The following EPN1 variants were observed in gnomAD, a reference collection of about 807,000 sequenced individuals.
The protein encoded by EPN1 is epsin-1.
In EPN1, 25 loss-of-function variants were observed where a neutral mutation model predicts 56.9. The ratio of observed to expected loss-of-function variants is 0.44; its 90% CI spans 0.32 to 0.61. The LOEUF (loss-of-function observed/expected upper bound fraction) is 0.61. EPN1 is among the 20% of genes least tolerant of loss of function. The pLI, the probability that EPN1 is intolerant of heterozygous loss-of-function variation, is 0.05. For synonymous variants in EPN1, 411 were observed against 361.8 expected, an observed-to-expected ratio of 1.14 and a Z score of -1.54; for missense variants, 785 against 823.7, an observed-to-expected ratio of 0.95 and a Z score of 0.58.
chr19:55,688,370 G>T (rs1986304595), intron 3 of EPN1, among the ~76,000 whole-genome samples: 1 of 152,064 alleles, frequency 6.6e-6, no homozygotes, highest in African/African-American at 2.4e-5. Flanking sequence ...CTCCTCGCTA[G>T]CCCACTCCCT....
chr19:55,692,339 C>T (rs1986614348), intron 7 of EPN1, among the ~76,000 whole-genome samples: 1 of 150,100 alleles, frequency 6.7e-6, no homozygotes, highest in South Asian at 2.1e-4. Flanking sequence ...GTGACGTAGG[C>T]ATCTGGGGAG....
intron 7 of EPN1, 31 bp downstream of exon 7, chr19:55,692,088 C>T: frequency 7.1e-7 from 1 of 1,406,324 alleles, no homozygotes; most frequent in African/African-American, 1.5e-5. Flanking sequence ...CATGCAGCCC[C>T]TACGCCTGTG....
rs1198165505 is a variant in EPN1 at position 55,701,498 on chromosome 19, A to G, written c.*6142A>G. ...GTTTCCTGTATTTTTTTCTCTTAGT[A>G]TCTTAAGAAATACATGATTTGAACA... is the stretch of plus-strand genomic sequence containing the variant. On this transcript the variant is annotated 3_prime_UTR_variant, in exon 11 of 11. Coordinates refer to ENST00000270460, the MANE Select transcript of EPN1 (RefSeq NM_001130072.2). The G allele has an allele frequency of 6.6e-6, 1 of 150,958 alleles. No individual in the cohort carries two copies. The highest frequency in any genetic ancestry group is 1.5e-5 in the Non-Finnish European group (1 of 67,838). The allele number at this position is 150,958 out of a possible 1,614,324, so 9.4% of individuals were successfully genotyped here. A position where few individuals can be genotyped will look rare whatever the true frequency, so the allele number is the denominator to read the frequency against.
chr19:55,676,379 C>G (rs1246377774), intron 1 of EPN1, among the ~76,000 whole-genome samples: 1 of 152,200 alleles, frequency 6.6e-6, no homozygotes, highest in Non-Finnish European at 1.5e-5. Context: ...AATACAGTCT[C>G]ATTCTAAGCA....
rs1987472833 is a variant in EPN1 at position 55,707,339 on chromosome 19, T to C, written c.*11983T>C. ...ACTGAGCCAAAAAGCAGACCCTGAC[T>C]CTAAAACAAAAGAAAGAACAAATAA... is the stretch of plus-strand genomic sequence containing the variant. On this transcript the variant is annotated 3_prime_UTR_variant, in exon 11 of 11. Coordinates refer to ENST00000270460, the MANE Select transcript of EPN1 (RefSeq NM_001130072.2). The C allele has an allele frequency of 6.6e-6, 1 of 152,134 alleles. No individual in the cohort carries two copies. The highest frequency in any genetic ancestry group is 6.6e-5 in the Admixed American group (1 of 15,266). 9.4% of individuals were successfully genotyped at this position (152,134 alleles called of 1,614,324 possible).
chr19:55,704,502 A>C lies in EPN1; in HGVS notation c.*9146A>C, dbSNP rs914995289. ...AGCCAAGGAGAGAGGCCTTGGCGGA[A>C]GCCAACCCTGCAGCACCTTCATCTT... On this transcript the variant is annotated 3_prime_UTR_variant, in exon 11 of 11. Coordinates refer to ENST00000270460, the MANE Select transcript of EPN1 (RefSeq NM_001130072.2). 1 of 152,278 alleles carries C rather than the reference A, an allele frequency of 6.6e-6. No homozygotes were observed. The highest frequency in any genetic ancestry group is 1.5e-5 in the Non-Finnish European group (1 of 68,090). The allele number at this position is 152,278 out of a possible 1,614,324, so 9.4% of individuals were successfully genotyped here.
chr19:55,688,820 G>C, intron 3 of EPN1, 50 bp from the exon 4 acceptor site: 1 of 1,555,340 alleles, frequency 6.4e-7, no homozygotes, highest in South Asian at 1.2e-5. Flanking sequence ...GGGGTTTCCT[G>C]TCTCTCGTTC....
At chr19:55,679,549 C>T (rs761441700) in intron 2 of EPN1, among the ~76,000 whole-genome samples, 5 of 152,200 alleles carry the variant, frequency 3.3e-5, no homozygotes, top group African/African-American at 1.2e-4. Flanking sequence ...TGCAGAAGGC[C>T]CGCTCTGGGT....
Position 55,702,652 on chromosome 19 carries a change from G to A in EPN1, c.*7296G>A. 1 of 152,172 alleles carries A rather than the reference G, an allele frequency of 6.6e-6. No homozygotes were observed. The highest frequency in any genetic ancestry group is 1.9e-4 in the East Asian group (1 of 5,194). The allele number at this position is 152,172 out of a possible 1,614,324, so 9.4% of individuals were successfully genotyped here. On this transcript the variant is annotated 3_prime_UTR_variant, in exon 11 of 11. Transcript: ENST00000270460. ...GCAATTTCTAAGCTGCTTTTTGTTA[G>A]GAAGTTTTTTGCTGGGGACTCTCTT...
In EPN1 at chr19:55,689,056, C is replaced by T; in HGVS notation, c.603+62C>T. ...CCGCCTCCACGCCTCACTTCAGGCT[C>T]CCTCCCAGCCAGGCGTGGGCCTGGC... On this transcript the variant is annotated intron_variant, in intron 4 of 10. Transcript: ENST00000270460. This position sits in a 1 kb window ranked among gnomAD's most constrained non-coding sequence, Gnocchi z 5.7. The T allele has an allele frequency of 6.6e-7, 1 of 1,510,250 alleles. No individual in the cohort carries two copies. The highest frequency in any genetic ancestry group is 8.8e-7 in the Non-Finnish European group (1 of 1,131,802). The allele number at this position is 1,510,250 out of a possible 1,614,324, so 93.6% of individuals were successfully genotyped here.
rs1310479771 is a variant in EPN1, at chr19:55,708,941, C to A, written c.*13585C>A. 2 of 1,569,166 alleles carry A rather than the reference C, an allele frequency of 1.3e-6. No homozygotes were observed. The highest frequency in any genetic ancestry group is 3.9e-5 in the Admixed American group (2 of 50,672). ...AGGAGCACACCCCTGATCTTGTATT[C>A]CTCGTCAATCCAAGGTCCATGTGAA... On this transcript the variant is annotated 3_prime_UTR_variant, in exon 11 of 11. Coordinates refer to ENST00000270460, the MANE Select transcript of EPN1 (RefSeq NM_001130072.2).
chr19:55,691,696 C>T lies in EPN1; in HGVS notation c.763-58C>T. On this transcript the variant is annotated intron_variant, in intron 6 of 10. Transcript: ENST00000270460. The surrounding 1 kb of genome is among the most constrained non-coding windows in gnomAD (Gnocchi z 5.6). ...CCCCCGCCACGGGCCCCAGCTTGGT[C>T]CCTGTCCCAGGCTTCCCACCACTTC... 3 of 1,535,422 alleles carry T rather than the reference C, an allele frequency of 2.0e-6. No individual in the cohort carries two copies. The highest frequency in any genetic ancestry group is 1.8e-6 in the Non-Finnish European group (2 of 1,122,294).
At chr19:55,676,444 C>T (rs530099111) in intron 1 of EPN1, among the ~76,000 whole-genome samples, 2 of 152,280 alleles carry the variant, frequency 1.3e-5, no homozygotes, top group South Asian at 2.1e-4. Context: ...TTCTAATGCA[C>T]GCCAAATAAG....
chr19:55,706,004 G>C lies in EPN1; in HGVS notation c.*10648G>C, dbSNP rs776107436. ...ATGCTGGATGGGAAGCCAGAGGTCT[G>C]CATAGCAGTTACAAAGAAGGCCTTA... On this transcript the variant is annotated 3_prime_UTR_variant, in exon 11 of 11. Coordinates refer to ENST00000270460, the MANE Select transcript of EPN1 (RefSeq NM_001130072.2). 5.8e-6 allele frequency: 1 copy of C among 172,696 alleles called. No homozygotes were observed. Among genetic ancestry groups the C allele is most frequent in the Non-Finnish European group, 1.2e-5 (1 of 81,328 alleles). 10.7% of individuals were successfully genotyped at this position (172,696 alleles called of 1,614,324 possible).
chr19:55,677,624 G>T, intron 1 of EPN1: 1 of 1,551,640 alleles, frequency 6.4e-7, no homozygotes, highest in Non-Finnish European at 8.7e-7. Context: ...GCACACAGCA[G>T]GGACCCAGGC....
Position 55,689,230 on chromosome 19 carries a change from C to CCTGGCT in EPN1, c.604-63_604-58dup. On this transcript the variant is annotated intron_variant, in intron 4 of 10. Coordinates refer to ENST00000270460, the MANE Select transcript of EPN1 (RefSeq NM_001130072.2). This position sits in a 1 kb window ranked among gnomAD's most constrained non-coding sequence, Gnocchi z 5.7. Reference sequence around the variant, plus strand: ...CTCTCTTTCTTCGGCTCTATCTGACCCTGGCTCTGCCTCTGACTCTGCCTC... The same window carrying CCTGGCT: ...CTCTCTTTCTTCGGCTCTATCTGACCCTGGCTCTGGCTCTGCCTCTGACTCTGCCTC... The CCTGGCT allele has an allele frequency of 7.8e-7, 1 of 1,278,620 alleles. No homozygotes were observed. Among genetic ancestry groups the CCTGGCT allele is most frequent in the Non-Finnish European group, 1.1e-6 (1 of 901,264 alleles). 79.2% of individuals were successfully genotyped at this position (1,278,620 alleles called of 1,614,324 possible).
In EPN1 at chr19:55,695,246, G is replaced by A. The variant is rs376571651; in HGVS notation, c.1621G>A (p.Val541Ile). ...NQLRLSPVPP[V>I]PGAPPTYISP... ...GCTCCGTCTCAGTCCTGTGCCTCCC[G>A]TCCCTGGAGCGCCACCCACGTACAT... The change falls in exon 11 of 11, where the codon GTC (valine) becomes ATC (isoleucine). Residue 541 changes from valine to isoleucine, a missense_variant. By Grantham distance (29) the Val-to-Ile change is conservative. Around this residue, in one of 2 missense-constraint regions of EPN1, gnomAD observed 650 missense variants for 605.0 expected, o/e 1.07. Transcript: ENST00000270460. This position sits in a 1 kb window ranked among gnomAD's most constrained non-coding sequence, Gnocchi z 4.4. The A allele has an allele frequency of 2.5e-6, 4 of 1,611,814 alleles. No individual in the cohort carries two copies. Among genetic ancestry groups the A allele is most frequent in the South Asian group, 1.1e-5 (1 of 90,832 alleles).
rs1358823502 is a variant in EPN1, at chr19:55,706,008, A to T, written c.*10652A>T. On this transcript the variant is annotated 3_prime_UTR_variant, in exon 11 of 11. Coordinates refer to ENST00000270460, the MANE Select transcript of EPN1 (RefSeq NM_001130072.2). ...TGGATGGGAAGCCAGAGGTCTGCAT[A>T]GCAGTTACAAAGAAGGCCTTATTAT... 1 of 173,776 alleles carries T rather than the reference A, an allele frequency of 5.8e-6. No homozygotes were observed. Among genetic ancestry groups the T allele is most frequent in the East Asian group, 1.8e-4 (1 of 5,622 alleles). The allele number at this position is 173,776 out of a possible 1,614,324, so 10.8% of individuals were successfully genotyped here.
Position 55,691,167 on chromosome 19 carries a change from G to A in EPN1, c.763-587G>A, listed in dbSNP as rs1429994913. The stretch of plus-strand genomic sequence containing the variant: ...CGTGCGGCATGGGAAGACCTGCAGT[G>A]CGATGACTGCGGGGTGACAGTGGGG... On this transcript the variant is annotated intron_variant, in intron 6 of 10. Coordinates refer to ENST00000270460, the MANE Select transcript of EPN1 (RefSeq NM_001130072.2). This position sits in a 1 kb window ranked among gnomAD's most constrained non-coding sequence, Gnocchi z 5.6. Among the ~76,000 whole-genome samples the A allele has an allele frequency of 6.6e-6, 1 of 152,146 alleles. No individual in the cohort carries two copies. Among genetic ancestry groups the A allele is most frequent in the Admixed American group, 6.5e-5 (1 of 15,280 alleles).
Sources: gnomAD v4.1 joint callset for allele counts (sites outside exome capture counted in the v4.1 genomes callset) on GRCh38, gnomAD v4.1.1 for gene constraint, gnomAD v4.1.1 regional missense constraint, Gnocchi (gnomAD v3.1) non-coding constraint, MANE v1.5 for transcripts, NCBI Gene and HGNC (gene_info 2026-07-23, HGNC 2026-07-21) for gene names.